Variants in EXOC6B observed in about 807,000 individuals in gnomAD.
EXOC6B encodes the protein exocyst complex component 6B, also known as SEC15 homolog B.
Under a neutral mutation model 113.5 loss-of-function variants are expected in EXOC6B, and 54 were observed. That is an observed-to-expected ratio of 0.48 (90% CI 0.38 to 0.60). The LOEUF is 0.60. EXOC6B is among the 20% of genes least tolerant of loss of function. EXOC6B has a pLI of 0.00. For synonymous variants in EXOC6B, 357 were observed against 339.0 expected, an observed-to-expected ratio of 1.05 and a Z score of -0.58; for missense variants, 797 against 977.5, an observed-to-expected ratio of 0.82 and a Z score of 2.46.
chr2:72,598,591 C>T (rs1670216173), intron 6 of EXOC6B, among the ~76,000 whole-genome samples: 1 of 151,844 alleles, frequency 6.6e-6, no homozygotes, highest in Non-Finnish European at 1.5e-5. Context: ...ACAACAGAGA[C>T]AATGAAATGA....
intron 6 of EXOC6B, among the ~76,000 whole-genome samples, chr2:72,702,235 T>C (rs1313655834): frequency 6.6e-6 from 1 of 151,536 alleles, no homozygotes; most frequent in Non-Finnish European, 1.5e-5. Context: ...TCCATGTCCC[T>C]ACAAAGGACA....
chr2:72,387,759 T>A (rs1692129624), intron 18 of EXOC6B, among the ~76,000 whole-genome samples: 3 of 152,052 alleles, frequency 2.0e-5, no homozygotes, highest in Middle Eastern at 3.4e-3. Flanking sequence ...AACCAATGTA[T>A]TTTTTTTAAA....
chr2:72,359,077 G>A (rs1028079284), intron 19 of EXOC6B, among the ~76,000 whole-genome samples: 1 of 152,126 alleles, frequency 6.6e-6, no homozygotes, highest in African/African-American at 2.4e-5. Flanking sequence ...CTAATCTGCT[G>A]TTTACCTTTT....
At chr2:72,184,726 T>C (rs141568925) in intron 20 of EXOC6B, among the ~76,000 whole-genome samples, 1 of 152,330 alleles carries the variant, frequency 6.6e-6, no homozygotes, top group Non-Finnish European at 1.5e-5. Context: ...CATATACACA[T>C]GCCTATATAC....
Position 72,496,549 on chromosome 2 carries a change from C to T in EXOC6B, c.1348G>A (p.Asp450Asn), listed in dbSNP as rs1376244064. The T allele has an allele frequency of 6.5e-7, 1 of 1,548,002 alleles. No homozygotes were observed. Among genetic ancestry groups the T allele is most frequent in the Non-Finnish European group, 8.8e-7 (1 of 1,138,392 alleles). ...GGTATAGGACTGTAGTTGTCAGAAT[C>T]AAGTATGTTTCTATAAATGGAAGGA... The part of the protein sequence containing the change: ...KWAGIFRNIL[D>N]SDNYSPIPVT... Residue 450 changes from aspartate to asparagine, a missense_variant, in exon 14 of 22, where the codon GAT (aspartate) becomes AAT (asparagine). Coordinates refer to ENST00000272427, the MANE Select transcript of EXOC6B (RefSeq NM_015189.3).
intron 17 of EXOC6B, among the ~76,000 whole-genome samples, chr2:72,479,449 T>C (rs1473205811): frequency 1.3e-5 from 2 of 152,052 alleles, no homozygotes; most frequent in African/African-American, 4.8e-5. Context: ...GTTAAGATGA[T>C]GGGAAAAAGC....
intron 19 of EXOC6B, among the ~76,000 whole-genome samples, chr2:72,375,125 T>C (rs967527232): frequency 6.6e-6 from 1 of 152,008 alleles, no homozygotes; most frequent in Non-Finnish European, 1.5e-5. Flanking sequence ...TAGGGACATA[T>C]CAGTTCTAAG....
At chr2:72,789,268 CATT>C (rs781012249) in intron 1 of EXOC6B, among the ~76,000 whole-genome samples, 1 of 152,198 alleles carries the variant, frequency 6.6e-6, no homozygotes, top group African/African-American at 2.4e-5. Context: ...GATTGCCAAT[CATT>C]ATGATCAAAT....
At chr2:72,513,295 A>G (rs1335678703) in intron 10 of EXOC6B, 43 bp from the exon 11 acceptor site, 2 of 1,609,054 alleles carry the variant, frequency 1.2e-6, no homozygotes, top group Non-Finnish European at 1.7e-6. Flanking sequence ...CAGAAATTAC[A>G]GTTTTATTAC....
intron 19 of EXOC6B, among the ~76,000 whole-genome samples, chr2:72,376,135 T>C (rs1346022339): frequency 2.0e-5 from 3 of 152,202 alleles, no homozygotes; most frequent in Non-Finnish European, 4.4e-5. Flanking sequence ...TTAAGGAAGA[T>C]ATTGTTGTAG....
At chr2:72,408,582 G>C (rs867687850) in intron 18 of EXOC6B, among the ~76,000 whole-genome samples, 42 of 152,204 alleles carry the variant, frequency 2.8e-4, no homozygotes, top group African/African-American at 9.9e-4. Flanking sequence ...ACTATCTGAT[G>C]TTTGACAAAC....
At chr2:72,817,815 C>T (rs539492627) in intron 1 of EXOC6B, among the ~76,000 whole-genome samples, 11 of 152,256 alleles carry the variant, frequency 7.2e-5, no homozygotes, top group South Asian at 4.2e-4. Context: ...TATTCTAAAT[C>T]CAGCTACTTC....
intron 7 of EXOC6B, among the ~76,000 whole-genome samples, chr2:72,569,531 G>A (rs1028233173): frequency 6.6e-6 from 1 of 152,062 alleles, no homozygotes; most frequent in African/African-American, 2.4e-5. Flanking sequence ...AGATTTTTAT[G>A]TGAATCTAAT....
chr2:72,770,859 C>T (rs1255193493), intron 1 of EXOC6B, among the ~76,000 whole-genome samples: 1 of 151,896 alleles, frequency 6.6e-6, no homozygotes, highest in Non-Finnish European at 1.5e-5. Context: ...AAAGGAACCA[C>T]AAGAACAAAA....
chr2:72,508,742 C>T (rs1700743920), intron 11 of EXOC6B, among the ~76,000 whole-genome samples: 1 of 151,384 alleles, frequency 6.6e-6, no homozygotes, highest in Admixed American at 6.6e-5. Context: ...CCATTGTGCT[C>T]CAGCCTGGGT....
intron 18 of EXOC6B, among the ~76,000 whole-genome samples, chr2:72,437,959 G>T (rs570766141): frequency 6.6e-6 from 1 of 152,160 alleles, no homozygotes; most frequent in South Asian, 2.1e-4. Flanking sequence ...GATTAAATTT[G>T]CAATACTTCA....
At chr2:72,713,172 A>G (rs1310377422) in intron 6 of EXOC6B, among the ~76,000 whole-genome samples, 1 of 152,216 alleles carries the variant, frequency 6.6e-6, no homozygotes, top group Non-Finnish European at 1.5e-5. Flanking sequence ...GCTCCACACT[A>G]TCAAGGACAA....
At chr2:72,477,685 T>A (rs1206696467) in intron 17 of EXOC6B, among the ~76,000 whole-genome samples, 1 of 152,192 alleles carries the variant, frequency 6.6e-6, no homozygotes, top group Non-Finnish European at 1.5e-5. Context: ...AGGCCAGAAA[T>A]AATTTAACTC....
intron 1 of EXOC6B, among the ~76,000 whole-genome samples, chr2:72,752,283 T>C (rs918019881): frequency 6.6e-6 from 1 of 152,170 alleles, no homozygotes; most frequent in African/African-American, 2.4e-5. Context: ...CTGATATTTG[T>C]TCCTTCTTAT....
Sources: allele counts gnomAD v4.1 joint callset (sites outside exome capture counted in the v4.1 genomes callset), GRCh38; gene constraint gnomAD v4.1.1; transcripts MANE v1.5; gene names NCBI Gene and HGNC (gene_info 2026-07-23, HGNC 2026-07-21).